The following CELF4 variants were observed in gnomAD, a reference collection of about 807,000 sequenced individuals.
CELF4 encodes CUGBP Elav-like family member 4, also known as CUG-BP- and ETR-3-like factor 4.
Under a neutral mutation model 59.9 loss-of-function variants are expected in CELF4, and 18 were observed. That is an observed-to-expected ratio of 0.30 (90% CI 0.21 to 0.45). The LOEUF (loss-of-function observed/expected upper bound fraction) is 0.45. CELF4 is among the 20% of genes least tolerant of loss of function. CELF4 has a pLI of 1.00. For missense variants in CELF4, 456 were observed against 689.0 expected (o/e 0.66, Z 3.79); for synonymous variants, 261 against 267.1 (o/e 0.98, Z 0.22).
At chr18:37,321,505 G>A (rs905374017) in intron 3 of CELF4, among the ~76,000 whole-genome samples, 1 of 152,222 alleles carries the variant, frequency 6.6e-6, no homozygotes, top group Non-Finnish European at 1.5e-5. Flanking sequence ...CATCGAGGTG[G>A]GCACACCCTT....
intron 3 of CELF4, among the ~76,000 whole-genome samples, chr18:37,321,443 T>G (rs2097113521): frequency 6.6e-6 from 1 of 152,230 alleles, no homozygotes; most frequent in Admixed American, 6.5e-5. Flanking sequence ...GACCACTTCT[T>G]GTCTCCCTTC....
At chr18:37,367,666 C>T (rs907854405) in intron 2 of CELF4, among the ~76,000 whole-genome samples, 1 of 150,186 alleles carries the variant, frequency 6.7e-6, no homozygotes, top group Non-Finnish European at 1.5e-5. Flanking sequence ...CAAATCAGGT[C>T]GGGGAGACTG....
intron 2 of CELF4, among the ~76,000 whole-genome samples, chr18:37,469,829 T>C (rs1325998962): frequency 6.6e-6 from 1 of 152,074 alleles, no homozygotes; most frequent in African/African-American, 2.4e-5. Context: ...TTAGAAGAGT[T>C]TGAGGAACAT....
chr18:37,431,598 T>C (rs572760870), intron 2 of CELF4, among the ~76,000 whole-genome samples: 2 of 152,276 alleles, frequency 1.3e-5, no homozygotes, highest in South Asian at 2.1e-4. Context: ...CTTGATCTCC[T>C]GACCTCGTGA....
chr18:37,248,380 A>C (rs2063351174), intron 12 of CELF4, among the ~76,000 whole-genome samples: 1 of 152,174 alleles, frequency 6.6e-6, no homozygotes, highest in African/African-American at 2.4e-5. Context: ...TAGGCACATG[A>C]AGCCCTTCGA....
chr18:37,552,892 G>T (rs2099983674), intron 1 of CELF4, among the ~76,000 whole-genome samples: 1 of 152,162 alleles, frequency 6.6e-6, no homozygotes, highest in African/African-American at 2.4e-5. Flanking sequence ...GTGATCTCTT[G>T]CTCTAAGGCC....
At chr18:37,249,085 C>A (rs1306918228) in intron 12 of CELF4, among the ~76,000 whole-genome samples, 1 of 152,166 alleles carries the variant, frequency 6.6e-6, no homozygotes, top group Admixed American at 6.5e-5. Flanking sequence ...CCTCTGCAGA[C>A]CCCAGCCTGC....
At chr18:37,387,054 GC>G (rs2099106987) in intron 2 of CELF4, among the ~76,000 whole-genome samples, 1 of 152,228 alleles carries the variant, frequency 6.6e-6, no homozygotes, top group Non-Finnish European at 1.5e-5. Context: ...TGTGGAGGCG[GC>G]TCCCCAGCCC....
At chr18:37,422,841 T>A (rs945019487) in intron 2 of CELF4, among the ~76,000 whole-genome samples, 2 of 152,166 alleles carry the variant, frequency 1.3e-5, no homozygotes, top group African/African-American at 4.8e-5. Flanking sequence ...TCTGAAGTCA[T>A]CCCTCGTCCT....
chr18:37,473,001 C>A (rs1267343210), intron 2 of CELF4, among the ~76,000 whole-genome samples: 2 of 152,118 alleles, frequency 1.3e-5, no homozygotes, highest in Non-Finnish European at 2.9e-5. Flanking sequence ...CCGAACCCTG[C>A]GACTCAGCCT....
chr18:37,310,029 C>T (rs1304678146), intron 3 of CELF4, among the ~76,000 whole-genome samples: 4 of 151,652 alleles, frequency 2.6e-5, no homozygotes, highest in Non-Finnish European at 1.5e-5. Context: ...TCAATCAAAC[C>T]TTGCCAGAGG....
rs531970150 is a variant in CELF4 at position 37,409,348 on chromosome 18, T to C, written c.369+76177A>G. On this transcript the variant is annotated intron_variant, in intron 2 of 12. Coordinates refer to ENST00000420428, the MANE Select transcript of CELF4 (RefSeq NM_020180.4). ...TTCCTACTGAGGGGCAAACTCACCA[T>C]GTTTGAGCTAGGAGGAATCTTGGGG... 3.3e-5 allele frequency among the ~76,000 whole-genome samples: 5 copies of C among 152,130 alleles called. 1 individual carries two copies. Among genetic ancestry groups the C allele is most frequent in the African/African-American group, 1.2e-4 (5 of 41,526 alleles).
intron 1 of CELF4, among the ~76,000 whole-genome samples, chr18:37,556,390 C>T (rs1196459166): frequency 6.6e-6 from 1 of 152,250 alleles, no homozygotes; most frequent in African/African-American, 2.4e-5. Flanking sequence ...AGGGTCTCAA[C>T]CTTCTGCACC....
At chr18:37,300,820 G>A (rs2095980113) in intron 3 of CELF4, among the ~76,000 whole-genome samples, 1 of 152,230 alleles carries the variant, frequency 6.6e-6, no homozygotes, top group Middle Eastern at 3.2e-3. Context: ...GGACACAGAA[G>A]CTGAGACAGG....
chr18:37,406,597 T>C (rs8085620), intron 2 of CELF4, among the ~76,000 whole-genome samples: 90,065 of 152,054 alleles, frequency 0.59, 29,142 homozygotes, highest in South Asian at 0.83. Context: ...GAGCAACTGT[T>C]GTCCCAATAT....
At chr18:37,540,615 C>T (rs190958362) in intron 1 of CELF4, among the ~76,000 whole-genome samples, 15 of 152,254 alleles carry the variant, frequency 9.9e-5, no homozygotes, top group South Asian at 2.1e-4. Context: ...GGGAGCTCTG[C>T]GACCTACATC....
chr18:37,431,950 G>A (rs904459464), intron 2 of CELF4, among the ~76,000 whole-genome samples: 2 of 152,210 alleles, frequency 1.3e-5, no homozygotes, highest in Non-Finnish European at 2.9e-5. Flanking sequence ...TGGAAAAGCT[G>A]TAAAAGCGTG....
intron 3 of CELF4, among the ~76,000 whole-genome samples, chr18:37,319,982 G>T (rs1303825793): frequency 6.6e-6 from 1 of 152,204 alleles, no homozygotes; most frequent in Non-Finnish European, 1.5e-5. Flanking sequence ...CTGGCGGGGG[G>T]AAGGGTAGGC....
intron 2 of CELF4, among the ~76,000 whole-genome samples, chr18:37,478,569 G>T (rs1261829796): frequency 6.6e-6 from 1 of 152,136 alleles, no homozygotes; most frequent in Non-Finnish European, 1.5e-5. Flanking sequence ...CAGGGAAGGA[G>T]AAAGTGGGCC....
Sources: allele counts gnomAD v4.1 joint callset (sites outside exome capture counted in the v4.1 genomes callset), GRCh38; gene constraint gnomAD v4.1.1; transcripts MANE v1.5; gene names NCBI Gene and HGNC (gene_info 2026-07-23, HGNC 2026-07-21).